The following CNN3 variants were observed in gnomAD, a reference collection of about 807,000 sequenced individuals.
CNN3 encodes calponin-3.
CNN3 carries 11 observed loss-of-function variants against 39.0 expected under a neutral mutation model. The ratio of observed to expected loss-of-function variants is 0.28; its 90% confidence interval spans 0.18 to 0.47. The LOEUF (loss-of-function observed/expected upper bound fraction) is 0.47, where lower values mean the gene tolerates loss of function less well. CNN3 is among the 20% of genes least tolerant of loss of function. The pLI is 0.99. For missense variants in CNN3, 266 were observed against 403.4 expected (o/e 0.66, Z 2.92); for synonymous variants, 101 against 138.3 (o/e 0.73, Z 1.89).
At chr1:94,900,748 TGAAGA>T (rs2101716953) in intron 5 of CNN3, among the ~76,000 whole-genome samples, 1 of 152,178 alleles carries the variant, frequency 6.6e-6, no homozygotes, top group South Asian at 2.1e-4. Flanking sequence ...CCATGACCAG[TGAAGA>T]GAACAATGAA....
intron 1 of CNN3, among the ~76,000 whole-genome samples, chr1:94,918,092 C>CA (rs1451230205): frequency 6.6e-6 from 1 of 152,234 alleles, no homozygotes; most frequent in Non-Finnish European, 1.5e-5. Flanking sequence ...TCTGGCTTAA[C>CA]ATAAAGTCCT....
intron 1 of CNN3, chr1:94,925,877 C>T (rs905528205): frequency 1.4e-5 from 13 of 928,016 alleles, no homozygotes; most frequent in African/African-American, 1.8e-5. Context: ...CTGGTCTCTC[C>T]CCCCAGAAAC....
chr1:94,915,598 AG>A (rs1671260839), intron 1 of CNN3, among the ~76,000 whole-genome samples: 1 of 152,180 alleles, frequency 6.6e-6, no homozygotes, highest in Admixed American at 6.5e-5. Context: ...CCCAACACAA[AG>A]GTCTCTTGGA....
At chr1:94,915,788 C>G (rs1457395436) in intron 1 of CNN3, among the ~76,000 whole-genome samples, 1 of 152,196 alleles carries the variant, frequency 6.6e-6, no homozygotes, top group Non-Finnish European at 1.5e-5. Flanking sequence ...CCATCTCTTC[C>G]TATTCCTGCT....
chr1:94,910,772 T>C (rs1006143053), intron 1 of CNN3, among the ~76,000 whole-genome samples: 2 of 152,148 alleles, frequency 1.3e-5, no homozygotes, highest in African/African-American at 4.8e-5. Context: ...CCCACCGCAA[T>C]ACCTGACACA....
rs1054171873 is a variant in CNN3 at position 94,916,788 on chromosome 1, A to G, written c.57+10050T>C. Among the ~76,000 whole-genome samples, 5 of 152,230 alleles carry G rather than the reference A, an allele frequency of 3.3e-5. No individual in the cohort carries two copies. The East Asian group carries it at 9.6e-4, about 29-fold the overall frequency. ...TTTTCTTCCCTGCCAACCAGAGATC[A>G]TTAACAGCACTTACATCAGAAGGTT... is the stretch of plus-strand genomic sequence containing the variant. On this transcript the variant is annotated intron_variant, in intron 1 of 6. Transcript: ENST00000370206.
chr1:94,901,799 T>C lies in CNN3; in HGVS notation c.385-14A>G. 2 of 1,564,882 alleles carry C rather than the reference T, an allele frequency of 1.3e-6. No homozygotes were observed. Among genetic ancestry groups the C allele is most frequent in the Non-Finnish European group, 1.8e-6 (2 of 1,136,478 alleles). On this transcript the variant is annotated splice_polypyrimidine_tract_variant and intron_variant, in intron 4 of 6. Coordinates refer to ENST00000370206, the MANE Select transcript of CNN3 (RefSeq NM_001839.5). ...TTTTGTTTTAGCCTAGACAGAAACA[T>C]GCACACTAACTGAAAAGGCCAACAG...
chr1:94,913,948 G>T (rs900290002), intron 1 of CNN3, among the ~76,000 whole-genome samples: 1 of 152,176 alleles, frequency 6.6e-6, no homozygotes, highest in African/African-American at 2.4e-5. Flanking sequence ...AAGAAGGCCA[G>T]CCGGGTCTTG....
At chr1:94,899,670 A>G (rs1435911121) in intron 5 of CNN3, among the ~76,000 whole-genome samples, 153 bp from the exon 6 acceptor site, 2 of 150,044 alleles carry the variant, frequency 1.3e-5, no homozygotes, top group African/African-American at 2.4e-5. Flanking sequence ...GTGTCTACAA[A>G]CAAATTTCAA....
chr1:94,921,402 T>C (rs1671439649), intron 1 of CNN3, among the ~76,000 whole-genome samples: 1 of 151,766 alleles, frequency 6.6e-6, no homozygotes, highest in African/African-American at 2.4e-5. Context: ...CTCAAAAAAA[T>C]AAAAAAGAGA....
Position 94,903,392 on chromosome 1 carries a change from C to CT in CNN3, c.179+10dup. The CT allele has an allele frequency of 6.3e-7, 1 of 1,577,398 alleles. No individual in the cohort carries two copies. Among genetic ancestry groups the CT allele is most frequent in the Non-Finnish European group, 8.6e-7 (1 of 1,164,046 alleles). ...AAGAGCAGAAACAGATTCTGGAGGG[C>CT]TGTAACTCACTCGCAGAGGATGATG... On this transcript the variant is annotated intron_variant, in intron 2 of 6. Coordinates refer to ENST00000370206, the MANE Select transcript of CNN3 (RefSeq NM_001839.5).
chr1:94,922,699 A>G, intron 1 of CNN3, among the ~76,000 whole-genome samples: 1 of 152,214 alleles, frequency 6.6e-6, no homozygotes, highest in East Asian at 1.9e-4. Context: ...TACTCTGATC[A>G]GAAGTACCCT....
At chr1:94,906,452 C>A (rs1011718981) in intron 1 of CNN3, among the ~76,000 whole-genome samples, 2 of 148,568 alleles carry the variant, frequency 1.3e-5, no homozygotes, top group African/African-American at 5.1e-5. Flanking sequence ...AAAGCAAATA[C>A]TAATTGTAAG....
Position 94,903,541 on chromosome 1 carries a change from C to A in CNN3, c.58-17G>T. 1 of 1,613,628 alleles carries A rather than the reference C, an allele frequency of 6.2e-7. No homozygotes were observed. The highest frequency in any genetic ancestry group is 1.3e-5 in the African/African-American group (1 of 75,022). On this transcript the variant is annotated splice_polypyrimidine_tract_variant and intron_variant, in intron 1 of 6. Transcript: ENST00000370206. ...GGAAGCAATCTGAAATACAGGTTAA[C>A]TCACTTTAGAAGAATTTCACAAAAG...
intron 1 of CNN3, chr1:94,924,081 C>T (rs547637710): frequency 1.3e-5 from 2 of 152,438 alleles, no homozygotes; most frequent in African/African-American, 4.8e-5. Flanking sequence ...GGGAATCTAG[C>T]ATTCAAGCAA....
At chr1:94,903,326 C>G (rs1571518504) in intron 2 of CNN3, 77 bp downstream of exon 2, 2 of 1,544,288 alleles carry the variant, frequency 1.3e-6, no homozygotes, top group East Asian at 4.6e-5. Context: ...ACACCCTGGG[C>G]TGAGAAGGAG....
At chr1:94,904,514 G>A (rs1471020252) in intron 1 of CNN3, among the ~76,000 whole-genome samples, 2 of 152,124 alleles carry the variant, frequency 1.3e-5, no homozygotes, top group African/African-American at 4.8e-5. Context: ...CTTTGGGACT[G>A]AGCTGGGTGG....
intron 1 of CNN3, among the ~76,000 whole-genome samples, chr1:94,905,457 G>T (rs540940300): frequency 6.6e-6 from 1 of 151,970 alleles, no homozygotes; most frequent in African/African-American, 2.4e-5. Context: ...TCCCCTCCCC[G>T]CCACGCCAAG....
chr1:94,919,125 T>G (rs1022633476), intron 1 of CNN3, among the ~76,000 whole-genome samples: 1 of 152,150 alleles, frequency 6.6e-6, no homozygotes, highest in African/African-American at 2.4e-5. Context: ...AATGCGTCTG[T>G]ATGTAAGCAA....
Sources: gnomAD v4.1 joint callset for allele counts (sites outside exome capture counted in the v4.1 genomes callset) on GRCh38, gnomAD v4.1.1 for gene constraint, MANE v1.5 for transcripts, NCBI Gene and HGNC (gene_info 2026-07-23, HGNC 2026-07-21) for gene names.